The following SPTLC3 variants were observed in gnomAD, a reference collection of about 807,000 sequenced individuals.
The protein encoded by SPTLC3 is serine palmitoyltransferase 3.
In SPTLC3, 36 loss-of-function variants were observed where a neutral mutation model predicts 59.3. The ratio of observed to expected loss-of-function variants is 0.61; its 90% confidence interval spans 0.47 to 0.80. The LOEUF (loss-of-function observed/expected upper bound fraction) is 0.80. SPTLC3 is among the 30% of genes least tolerant of loss of function. The pLI is 0.00. For missense variants in SPTLC3, 625 were observed against 685.1 expected (o/e 0.91, Z 0.98); for synonymous variants, 257 against 240.8 (o/e 1.07, Z -0.62).
At chr20:13,035,390 T>C (rs550652458) in intron 1 of SPTLC3, among the ~76,000 whole-genome samples, 1 of 152,316 alleles carries the variant, frequency 6.6e-6, no homozygotes, top group South Asian at 2.1e-4. Flanking sequence ...CTAGATTTCT[T>C]CTACTCCAGC....
At chr20:13,076,378 G>T (rs1988645861) in intron 4 of SPTLC3, among the ~76,000 whole-genome samples, 1 of 152,016 alleles carries the variant, frequency 6.6e-6, no homozygotes, top group African/African-American at 2.4e-5. Context: ...AGTACAAATG[G>T]GTTAACAATG....
intron 10 of SPTLC3, among the ~76,000 whole-genome samples, chr20:13,155,354 C>G (rs1218835975): frequency 6.6e-6 from 1 of 152,182 alleles, no homozygotes; most frequent in African/African-American, 2.4e-5. Context: ...GTTTGACTCT[C>G]TAATAGCCTG....
chr20:13,066,467 T>A (rs116145758), intron 2 of SPTLC3, among the ~76,000 whole-genome samples: 1 of 152,184 alleles, frequency 6.6e-6, no homozygotes. Context: ...TTACTGTACC[T>A]TTGTAGTATA....
rs766409332 is a variant in SPTLC3 at position 13,009,401 on chromosome 20, C to G, written c.117+17C>G. ...GAAGCCCAGGTAAGAGGCACTCTCCCCTACTCTTCTCTGAATTACCTGAAC... is the reference window on the plus strand; with the variant it reads ...GAAGCCCAGGTAAGAGGCACTCTCCGCTACTCTTCTCTGAATTACCTGAAC... On this transcript the variant is annotated intron_variant, in intron 1 of 11. Coordinates refer to ENST00000399002, the MANE Select transcript of SPTLC3 (RefSeq NM_018327.4). The G allele has an allele frequency of 6.3e-7, 1 of 1,591,972 alleles. No homozygotes were observed. Among genetic ancestry groups the G allele is most frequent in the African/African-American group, 1.3e-5 (1 of 74,584 alleles).
At chr20:13,083,841 C>A (rs1246692898) in intron 4 of SPTLC3, among the ~76,000 whole-genome samples, 2 of 152,164 alleles carry the variant, frequency 1.3e-5, no homozygotes, top group Non-Finnish European at 2.9e-5. Flanking sequence ...GGTCCCACAA[C>A]CACACTGGTC....
intron 4 of SPTLC3, among the ~76,000 whole-genome samples, chr20:13,085,570 C>G (rs735215): frequency 0.28 from 41,859 of 151,998 alleles, 5,926 homozygotes; most frequent in Middle Eastern, 0.35. Context: ...AAAGTGGCTA[C>G]GGTTACAATT....
At chr20:13,095,417 G>T (rs889542956) in intron 6 of SPTLC3, among the ~76,000 whole-genome samples, 1 of 151,922 alleles carries the variant, frequency 6.6e-6, no homozygotes, top group Non-Finnish European at 1.5e-5. Context: ...TGGCATCTAG[G>T]GAACATCCAT....
chr20:13,127,259 T>C (rs964541737), intron 9 of SPTLC3, among the ~76,000 whole-genome samples: 1 of 152,226 alleles, frequency 6.6e-6, no homozygotes, highest in African/African-American at 2.4e-5. Context: ...TAATCCTCTT[T>C]TTGAAAAATT....
At chr20:13,130,102 C>A (rs1213855347) in intron 9 of SPTLC3, among the ~76,000 whole-genome samples, 1 of 152,164 alleles carries the variant, frequency 6.6e-6, no homozygotes, top group Non-Finnish European at 1.5e-5. Context: ...GGTAGTTCTG[C>A]CTGACACATC....
At chr20:13,133,213 G>C (rs180843797) in intron 9 of SPTLC3, among the ~76,000 whole-genome samples, 3 of 151,712 alleles carry the variant, frequency 2.0e-5, no homozygotes, top group Non-Finnish European at 4.4e-5. Context: ...TATAGTTCCC[G>C]CTGCACAAGT....
At chr20:13,081,480 G>A (rs7271775) in intron 4 of SPTLC3, among the ~76,000 whole-genome samples, 41,824 of 152,000 alleles carry the variant, frequency 0.28, 5,913 homozygotes, top group Middle Eastern at 0.35. Context: ...TTGTTAACCT[G>A]AGCTTTTGAA....
intron 9 of SPTLC3, among the ~76,000 whole-genome samples, chr20:13,129,780 T>C (rs1304593351): frequency 1.3e-5 from 2 of 152,210 alleles, no homozygotes; most frequent in Non-Finnish European, 2.9e-5. Flanking sequence ...ACATGAGCAT[T>C]TGCTCCTCAG....
intron 6 of SPTLC3, among the ~76,000 whole-genome samples, chr20:13,100,769 T>C (rs544335878): frequency 6.6e-6 from 1 of 152,340 alleles, no homozygotes; most frequent in African/African-American, 2.4e-5. Context: ...CTTTTCATTA[T>C]CCTCATTTTA....
intron 3 of SPTLC3, 79 bp downstream of exon 3, chr20:13,072,489 T>A: frequency 1.4e-6 from 2 of 1,405,218 alleles, no homozygotes; most frequent in Non-Finnish European, 1.9e-6. Flanking sequence ...AGATGACAAA[T>A]CCAAAAAAAC....
chr20:13,073,474 A>G (rs574643782), intron 3 of SPTLC3, among the ~76,000 whole-genome samples: 3 of 152,108 alleles, frequency 2.0e-5, no homozygotes, highest in African/African-American at 7.2e-5. Flanking sequence ...CCCCTCCAGC[A>G]CTAGGATAAT....
At chr20:13,113,046 G>A (rs1029854151) in intron 7 of SPTLC3, among the ~76,000 whole-genome samples, 1 of 152,066 alleles carries the variant, frequency 6.6e-6, no homozygotes, top group African/African-American at 2.4e-5. Context: ...AGCCAGGTGT[G>A]GTGGTGCACT....
At chr20:13,066,018 G>A (rs200103397) in intron 2 of SPTLC3, among the ~76,000 whole-genome samples, 5 of 151,854 alleles carry the variant, frequency 3.3e-5, no homozygotes, top group Non-Finnish European at 2.9e-5. Flanking sequence ...CACAACTTAT[G>A]CGTACAACAT....
At chr20:13,048,876 C>G (rs778257597) in intron 1 of SPTLC3, 69 bp from the exon 2 acceptor site, 25 of 1,356,196 alleles carry the variant, frequency 1.8e-5, no homozygotes, top group Non-Finnish European at 2.5e-5. Flanking sequence ...TGAAAGTTCA[C>G]AATTTTAGGT....
At chr20:13,096,451 A>G (rs1181593040) in intron 6 of SPTLC3, among the ~76,000 whole-genome samples, 11 of 152,224 alleles carry the variant, frequency 7.2e-5, no homozygotes, top group Non-Finnish European at 1.5e-4. Flanking sequence ...AATTAAAAAA[A>G]AAAAGCAACA....
Sources: gnomAD v4.1 joint callset for allele counts (sites outside exome capture counted in the v4.1 genomes callset) on GRCh38, gnomAD v4.1.1 for gene constraint, MANE v1.5 for transcripts, NCBI Gene and HGNC (gene_info 2026-07-23, HGNC 2026-07-21) for gene names.